Variants in SLC1A1 observed in about 807,000 individuals in gnomAD.
SLC1A1 encodes solute carrier family 1 member 1.
A neutral mutation model predicts 53.3 loss-of-function variants in SLC1A1; 43 were observed. The observed-to-expected ratio is 0.81, with a 90% CI of 0.63 to 1.04. SLC1A1 has a LOEUF of 1.04. Ranked by LOEUF, SLC1A1 falls within the 50% of genes least tolerant of loss-of-function variation. The probability of loss-of-function intolerance (pLI) is 0.00; values close to 1 mark genes in which losing one functional copy is unlikely to be tolerated. For synonymous variants in SLC1A1, 307 were observed against 243.2 expected (o/e 1.26, Z -2.44); for missense variants, 748 against 664.9 (o/e 1.12, Z -1.37).
intron 2 of SLC1A1, 138 bp from the exon 3 acceptor site, chr9:4,561,311 C>A: frequency 1.4e-6 from 1 of 732,112 alleles, no homozygotes; most frequent in Non-Finnish European, 2.5e-6. Context: ...GTTGCTTTTG[C>A]CCATTGCATG....
At chr9:4,512,949 AAGG>A (rs1390332532) in intron 1 of SLC1A1, among the ~76,000 whole-genome samples, 4 of 152,118 alleles carry the variant, frequency 2.6e-5, no homozygotes, top group African/African-American at 9.7e-5. Context: ...ATTTTTGACA[AAGG>A]TGCAAAAGCT....
chr9:4,556,442 A>C lies in SLC1A1; in HGVS notation c.233-5007A>C, dbSNP rs1442349573. ...ACACCTGCTTAGTTCATTCTCATTT[A>C]TCACCCCCTATAGGACAGCTTTCAA... is the stretch of plus-strand genomic sequence containing the variant. On this transcript the variant is annotated intron_variant, in intron 2 of 11. Coordinates refer to ENST00000262352, the MANE Select transcript of SLC1A1 (RefSeq NM_004170.6). This position sits in a 1 kb window ranked among gnomAD's most constrained non-coding sequence, Gnocchi z 4.1. 6.6e-6 allele frequency among the ~76,000 whole-genome samples: 1 copy of C among 152,122 alleles called. No homozygotes were observed. The highest frequency in any genetic ancestry group is 6.5e-5 in the Admixed American group (1 of 15,278).
chr9:4,534,642 T>A (rs1458760629), intron 1 of SLC1A1, among the ~76,000 whole-genome samples: 4 of 151,578 alleles, frequency 2.6e-5, no homozygotes, highest in Admixed American at 1.3e-4. Flanking sequence ...TACAAGGAGG[T>A]GCTGGTACCA....
At chr9:4,560,162 C>T (rs760032067) in intron 2 of SLC1A1, 2 of 152,102 alleles carry the variant, frequency 1.3e-5, no homozygotes, top group Non-Finnish European at 2.9e-5. Context: ...TAAGATGTCT[C>T]ACAATAAAAG....
Position 4,526,409 on chromosome 9 carries a change from C to T in SLC1A1, c.92-18158C>T, listed in dbSNP as rs1048642290. Among the ~76,000 whole-genome samples, 8 of 152,132 alleles carry T rather than the reference C, an allele frequency of 5.3e-5. No homozygotes were observed. The East Asian group carries it at 5.8e-4, about 11-fold the overall frequency. On this transcript the variant is annotated intron_variant, in intron 1 of 11. Transcript: ENST00000262352. Reference sequence around the variant, plus strand: ...GCAAGAGAATACATCCAGACTGATACCATGTGAGTTAGATTTTTCAAGCAC... The same window carrying T: ...GCAAGAGAATACATCCAGACTGATATCATGTGAGTTAGATTTTTCAAGCAC...
chr9:4,578,638 G>A (rs1433250317), intron 10 of SLC1A1, among the ~76,000 whole-genome samples: 7 of 152,222 alleles, frequency 4.6e-5, no homozygotes, highest in Non-Finnish European at 5.9e-5. Flanking sequence ...GTCAGAAGCT[G>A]CAGAGAATTC....
At chr9:4,529,629 G>A (rs1347620716) in intron 1 of SLC1A1, among the ~76,000 whole-genome samples, 1 of 152,130 alleles carries the variant, frequency 6.6e-6, no homozygotes, top group African/African-American at 2.4e-5. Context: ...ATAAGTGTAA[G>A]GAGGAATGAA....
chr9:4,494,519 C>A (rs1004373378), intron 1 of SLC1A1, among the ~76,000 whole-genome samples: 8 of 152,022 alleles, frequency 5.3e-5, no homozygotes, highest in Admixed American at 5.2e-4. Flanking sequence ...GTTTTGATGA[C>A]CTGCTCTGTC....
chr9:4,497,861 T>A (rs1392108875), intron 1 of SLC1A1, among the ~76,000 whole-genome samples: 1 of 152,228 alleles, frequency 6.6e-6, no homozygotes, highest in Non-Finnish European at 1.5e-5. Flanking sequence ...TCTTTGTTTC[T>A]TATTAACAAG....
At chr9:4,518,348 A>G (rs943149703) in intron 1 of SLC1A1, among the ~76,000 whole-genome samples, 4 of 147,512 alleles carry the variant, frequency 2.7e-5, no homozygotes, top group African/African-American at 9.9e-5. Context: ...CTTCTACTGC[A>G]TGGGGTTTTT....
intron 1 of SLC1A1, among the ~76,000 whole-genome samples, chr9:4,522,077 A>G (rs1225645425): frequency 2.6e-5 from 3 of 113,626 alleles, no homozygotes; most frequent in Non-Finnish European, 3.3e-5. Context: ...TTTGAGATGG[A>G]GTCTTACTCT....
intron 2 of SLC1A1, among the ~76,000 whole-genome samples, chr9:4,555,683 T>A (rs910750896): frequency 1.3e-5 from 2 of 152,190 alleles, no homozygotes; most frequent in African/African-American, 4.8e-5. Context: ...CAGGTTCTAA[T>A]GGATAACCCT....
rs568241111 is a variant in SLC1A1 at position 4,583,531 on chromosome 9, C to G, written c.1328+359C>G. Among the ~76,000 whole-genome samples the G allele has an allele frequency of 7.7e-4, 117 of 152,258 alleles. No individual in the cohort carries two copies. Among genetic ancestry groups the G allele is most frequent in the Middle Eastern group, 3.4e-3 (1 of 294 alleles). ...GTTCAGCATCATAGGCTCAGAACCACCTAGTTCAAAATCAGTCCGTCTTCC... is the reference window on the plus strand; with the variant it reads ...GTTCAGCATCATAGGCTCAGAACCAGCTAGTTCAAAATCAGTCCGTCTTCC... On this transcript the variant is annotated intron_variant, in intron 11 of 11. Coordinates refer to ENST00000262352, the MANE Select transcript of SLC1A1 (RefSeq NM_004170.6). The surrounding 1 kb of genome is among the most constrained non-coding windows in gnomAD (Gnocchi z 4.6).
rs150402625 is a variant in SLC1A1, at chr9:4,536,332, T to C, written c.92-8235T>C. 6.4e-3 allele frequency among the ~76,000 whole-genome samples: 887 copies of C among 137,606 alleles called. 4 individuals are homozygous for C. The highest frequency in any genetic ancestry group is 0.021 in the African/African-American group (785 of 37,460). The allele number at this position is 137,606 out of a possible 152,430, so 90.3% of individuals were successfully genotyped here. A position where few individuals can be genotyped will look rare whatever the true frequency, so the allele number is the denominator to read the frequency against. On this transcript the variant is annotated intron_variant, in intron 1 of 11. Coordinates refer to ENST00000262352, the MANE Select transcript of SLC1A1 (RefSeq NM_004170.6). ...CTAATACCCAGAATATACAATGAAC[T>C]CAAACAAATCTACAAGAAAAAAAAA... is the stretch of plus-strand genomic sequence containing the variant.
intron 1 of SLC1A1, among the ~76,000 whole-genome samples, chr9:4,520,053 T>C (rs750188185): frequency 1.2e-4 from 18 of 152,226 alleles, no homozygotes; most frequent in Non-Finnish European, 2.4e-4. Flanking sequence ...AATTGAAAAT[T>C]AAGCTCTTAA....
At chr9:4,559,273 G>A (rs1013240223) in intron 2 of SLC1A1, among the ~76,000 whole-genome samples, 1 of 152,042 alleles carries the variant, frequency 6.6e-6, no homozygotes, top group African/African-American at 2.4e-5. Context: ...TGTGACTATT[G>A]CAGTATGCCC....
chr9:4,509,983 G>T lies in SLC1A1; in HGVS notation c.91+19213G>T, dbSNP rs566238148. Among the ~76,000 whole-genome samples, 16 of 152,244 alleles carry T rather than the reference G, an allele frequency of 1.1e-4. No homozygotes were observed. The South Asian group carries it at 2.9e-3, about 28-fold the overall frequency. On this transcript the variant is annotated intron_variant, in intron 1 of 11. Transcript: ENST00000262352. ...CAAGTAGCTGGGATTACAGGCATGT[G>T]CCACCATGCCTGGCTAATTTTTTCA...
intron 2 of SLC1A1, among the ~76,000 whole-genome samples, chr9:4,547,624 G>C (rs906060565): frequency 6.6e-6 from 1 of 152,140 alleles, no homozygotes; most frequent in African/African-American, 2.4e-5. Flanking sequence ...AGCATGTTCT[G>C]ATCTCTTCAC....
At chr9:4,528,189 C>T (rs146721366) in intron 1 of SLC1A1, among the ~76,000 whole-genome samples, 2 of 152,238 alleles carry the variant, frequency 1.3e-5, no homozygotes, top group African/African-American at 2.4e-5. Context: ...AGGAACAAGA[C>T]ACAAAACTGT....
Sources: gnomAD v4.1 joint callset for allele counts (sites outside exome capture counted in the v4.1 genomes callset) on GRCh38, gnomAD v4.1.1 for gene constraint, Gnocchi (gnomAD v3.1) non-coding constraint, MANE v1.5 for transcripts, NCBI Gene and HGNC (gene_info 2026-07-23, HGNC 2026-07-21) for gene names.